Variants in DNM3 observed in about 807,000 individuals in gnomAD.
DNM3 encodes the protein dynamin-3.
In DNM3, 47 loss-of-function variants were observed where a neutral mutation model predicts 101.6. The ratio of observed to expected loss-of-function variants is 0.46; its 90% CI spans 0.37 to 0.59. DNM3 has a LOEUF of 0.59. Among genes scored for constraint, DNM3 ranks in the 20% least tolerant of loss-of-function variants. The probability of loss-of-function intolerance (pLI) is 0.00; values close to 1 mark genes in which losing one functional copy is unlikely to be tolerated. For synonymous variants in DNM3, 385 were observed against 387.9 expected (o/e 0.99, Z 0.09); for missense variants, 849 against 1,085.7 (o/e 0.78, Z 3.06).
intron 10 of DNM3, among the ~76,000 whole-genome samples, chr1:172,063,788 A>G (rs1027099656): frequency 9.9e-5 from 15 of 151,900 alleles, no homozygotes; most frequent in African/African-American, 3.6e-4. Context: ...AAAAAAAAAA[A>G]AAAAAAAGAA....
In DNM3 at chr1:172,410,514, C is replaced by T. The variant is rs2071144668; in HGVS notation, c.*2673C>T. 8 of 983,696 alleles carry T rather than the reference C, an allele frequency of 8.1e-6. No homozygotes were observed. The highest frequency in any genetic ancestry group is 1.7e-5 in the African/African-American group (1 of 57,202). 60.9% of individuals were successfully genotyped at this position (983,696 alleles called of 1,614,324 possible). On this transcript the variant is annotated 3_prime_UTR_variant, in exon 21 of 21. Coordinates refer to ENST00000627582, the MANE Select transcript of DNM3 (RefSeq NM_015569.5). Reference sequence around the variant, plus strand: ...ATAGGTAAATATAGTTTTATTGTCACATGCTAAATATTGCATGCATATTGA... The same window carrying T: ...ATAGGTAAATATAGTTTTATTGTCATATGCTAAATATTGCATGCATATTGA...
At position 172,171,327 on chromosome 1, in the gene DNM3, A is replaced by T. The variant is rs141971699; in HGVS notation, c.1659+40039A>T. Among the ~76,000 whole-genome samples the T allele has an allele frequency of 3.7e-3, 562 of 151,854 alleles. 8 individuals are homozygous for T. Among genetic ancestry groups the T allele is most frequent in the African/African-American group, 0.013 (536 of 41,496 alleles). On this transcript the variant is annotated intron_variant, in intron 14 of 20. Transcript: ENST00000627582. ...AAATGCTTTCTTTCTAGTTATTATG[A>T]TCATGTTATTGAATAATTCATTATA...
At position 172,068,802 on chromosome 1, in the gene DNM3, T is replaced by A. The variant is rs1360374394; in HGVS notation, c.1336-17T>A. ...AACTTTTTGAGTATTAATACTCAGA[T>A]CTGCTTTTCTTGACAGCTGGCAAAC... is the stretch of plus-strand genomic sequence containing the variant. On this transcript the variant is annotated splice_polypyrimidine_tract_variant and intron_variant, in intron 10 of 20. Coordinates refer to ENST00000627582, the MANE Select transcript of DNM3 (RefSeq NM_015569.5). 6.4e-7 allele frequency: 1 copy of A among 1,556,444 alleles called. No homozygotes were observed.
At chr1:172,218,740 G>T (rs2060796392) in intron 14 of DNM3, among the ~76,000 whole-genome samples, 2 of 152,100 alleles carry the variant, frequency 1.3e-5, no homozygotes, top group African/African-American at 4.8e-5. Flanking sequence ...TTATGAGTGA[G>T]CTATAACCTC....
intron 1 of DNM3, among the ~76,000 whole-genome samples, chr1:171,843,767 C>CT (rs1298991450): frequency 6.6e-6 from 1 of 151,906 alleles, no homozygotes; most frequent in Non-Finnish European, 1.5e-5. Context: ...TAGCTATGTT[C>CT]TTTTGGAATA....
chr1:172,206,343 TCAAA>T (rs1017767244), intron 14 of DNM3, among the ~76,000 whole-genome samples: 11 of 152,124 alleles, frequency 7.2e-5, no homozygotes, highest in African/African-American at 2.7e-4. Context: ...AAAGCACAAC[TCAAA>T]CAATCACACA....
At chr1:172,293,829 A>G (rs2064033241) in intron 15 of DNM3, among the ~76,000 whole-genome samples, 1 of 152,178 alleles carries the variant, frequency 6.6e-6, no homozygotes, top group Admixed American at 6.5e-5. Flanking sequence ...AAAAATTAAG[A>G]TTTTCCAGTG....
chr1:172,148,128 C>T (rs114754666), intron 14 of DNM3, among the ~76,000 whole-genome samples: 1 of 152,058 alleles, frequency 6.6e-6, no homozygotes, highest in African/African-American at 2.4e-5. Flanking sequence ...TGTTCCCCTA[C>T]CGAATTCTTA....
intron 14 of DNM3, among the ~76,000 whole-genome samples, chr1:172,179,145 G>A (rs2059258388): frequency 6.6e-6 from 1 of 151,868 alleles, no homozygotes; most frequent in South Asian, 2.1e-4. Context: ...GCATTCTCCT[G>A]CCTGGACTAG....
intron 1 of DNM3, among the ~76,000 whole-genome samples, chr1:171,883,386 CA>C (rs2036471244): frequency 1.7e-5 from 2 of 116,594 alleles, no homozygotes; most frequent in Non-Finnish European, 1.9e-5. Flanking sequence ...CACACACACA[CA>C]CACACACACA....
chr1:171,880,195 C>T (rs1303277965), intron 1 of DNM3, among the ~76,000 whole-genome samples: 1 of 152,152 alleles, frequency 6.6e-6, no homozygotes, highest in Non-Finnish European at 1.5e-5. Context: ...TAGAATCTGG[C>T]TGATTGAGTA....
chr1:171,925,123 A>G, intron 2 of DNM3, among the ~76,000 whole-genome samples: 1 of 138,490 alleles, frequency 7.2e-6, no homozygotes, highest in Admixed American at 7.2e-5. Context: ...CTGGTCTTGA[A>G]CTCCTGACCT....
intron 17 of DNM3, among the ~76,000 whole-genome samples, chr1:172,359,393 T>C (rs544876921): frequency 1.2e-4 from 19 of 152,108 alleles, no homozygotes; most frequent in African/African-American, 3.6e-4. Flanking sequence ...TACTGTAAGA[T>C]AGTAAAATGT....
intron 9 of DNM3, 102 bp from the exon 10 acceptor site, chr1:172,048,510 T>A: frequency 1.5e-6 from 2 of 1,366,892 alleles, no homozygotes; most frequent in South Asian, 1.6e-5. Context: ...GTCTATTACA[T>A]GCTTAATTTA....
At chr1:172,050,119 C>G (rs2050102910) in intron 10 of DNM3, among the ~76,000 whole-genome samples, 1 of 152,162 alleles carries the variant, frequency 6.6e-6, no homozygotes, top group African/African-American at 2.4e-5. Context: ...AAAAATCAAT[C>G]TTTCTACCAT....
At chr1:172,274,489 T>C (rs891091488) in intron 15 of DNM3, among the ~76,000 whole-genome samples, 1 of 152,064 alleles carries the variant, frequency 6.6e-6, no homozygotes, top group Non-Finnish European at 1.5e-5. Context: ...AGAGAGCCAC[T>C]TTTCTAGTCT....
At chr1:172,362,984 C>G (rs1304833641) in intron 17 of DNM3, among the ~76,000 whole-genome samples, 1 of 151,676 alleles carries the variant, frequency 6.6e-6, no homozygotes, top group African/African-American at 2.4e-5. Context: ...TTTTTTAACT[C>G]CTTATGGTCT....
intron 14 of DNM3, among the ~76,000 whole-genome samples, chr1:172,206,893 G>C (rs2060341423): frequency 6.6e-6 from 1 of 151,996 alleles, no homozygotes; most frequent in African/African-American, 2.4e-5. Context: ...GCTTACTGAA[G>C]CTCCCCAGAT....
At chr1:172,101,769 A>G (rs1451845497) in intron 13 of DNM3, among the ~76,000 whole-genome samples, 1 of 152,240 alleles carries the variant, frequency 6.6e-6, no homozygotes, top group East Asian at 1.9e-4. Flanking sequence ...GTTTAACCAC[A>G]GTTCTAATAG....
Sources: gnomAD v4.1 joint callset for allele counts (sites outside exome capture counted in the v4.1 genomes callset) on GRCh38, gnomAD v4.1.1 for gene constraint, MANE v1.5 for transcripts, NCBI Gene and HGNC (gene_info 2026-07-23, HGNC 2026-07-21) for gene names.